The following KCNB2 variants were observed in gnomAD, a reference collection of about 807,000 sequenced individuals.
KCNB2 encodes potassium voltage-gated channel subfamily B member 2.
A neutral mutation model predicts 61.5 loss-of-function variants in KCNB2; 15 were observed. The observed-to-expected ratio is 0.24, with a 90% CI of 0.16 to 0.38. KCNB2 has a LOEUF of 0.38. KCNB2 is among the 10% of genes least tolerant of loss of function. The pLI, the probability that KCNB2 is intolerant of heterozygous loss-of-function variation, is 1.00. For synonymous variants in KCNB2, 457 were observed against 446.0 expected, an observed-to-expected ratio of 1.02 and a Z score of -0.31; for missense variants, 828 against 1,125.2, an observed-to-expected ratio of 0.74 and a Z score of 3.78.
intron 1 of KCNB2, among the ~76,000 whole-genome samples, chr8:72,551,187 G>T (rs1220704275): frequency 6.6e-6 from 1 of 152,052 alleles, no homozygotes; most frequent in Non-Finnish European, 1.5e-5. Context: ...TTCTTTTCTT[G>T]TCCTCTCAAT....
intron 2 of KCNB2, among the ~76,000 whole-genome samples, chr8:72,858,550 A>T (rs1810243126): frequency 6.6e-6 from 1 of 152,224 alleles, no homozygotes; most frequent in African/African-American, 2.4e-5. Context: ...GTATTAAGGC[A>T]CTAAGCAGTT....
chr8:72,596,978 A>ATGCTTGCT (rs1168366310), intron 2 of KCNB2, among the ~76,000 whole-genome samples: 12 of 131,120 alleles, frequency 9.2e-5, no homozygotes, highest in African/African-American at 3.7e-4. Flanking sequence ...GCCAACCAGC[A>ATGCTTGCT]TGCTTGCTTG....
At chr8:72,739,281 C>T (rs968762136) in intron 2 of KCNB2, among the ~76,000 whole-genome samples, 2 of 151,230 alleles carry the variant, frequency 1.3e-5, no homozygotes, top group Non-Finnish European at 2.9e-5. Flanking sequence ...ATTTATTGAA[C>T]ACCTATTATG....
chr8:72,743,804 A>G (rs1252318222), intron 2 of KCNB2, among the ~76,000 whole-genome samples: 2 of 152,206 alleles, frequency 1.3e-5, no homozygotes, highest in African/African-American at 4.8e-5. Flanking sequence ...ATACTTTAAA[A>G]TATGTCAATC....
intron 2 of KCNB2, among the ~76,000 whole-genome samples, chr8:72,724,529 C>T (rs1807601981): frequency 1.3e-5 from 2 of 152,198 alleles, no homozygotes; most frequent in Non-Finnish European, 2.9e-5. Flanking sequence ...CTTTTCCGGC[C>T]ATATCATTTT....
intron 2 of KCNB2, among the ~76,000 whole-genome samples, chr8:72,782,925 A>G (rs2128998063): frequency 6.6e-6 from 1 of 152,280 alleles, no homozygotes; most frequent in African/African-American, 2.4e-5. Context: ...AATTGTTACC[A>G]TTATAATATA....
chr8:72,910,214 A>G (rs1806263399), intron 2 of KCNB2, among the ~76,000 whole-genome samples: 2 of 152,232 alleles, frequency 1.3e-5, no homozygotes, highest in Admixed American at 1.3e-4. Context: ...TATTGAGAGA[A>G]ATAAATGAAA....
intron 2 of KCNB2, among the ~76,000 whole-genome samples, chr8:72,826,224 C>T (rs1000895475): frequency 6.6e-6 from 1 of 152,180 alleles, no homozygotes; most frequent in South Asian, 2.1e-4. Flanking sequence ...ATAGCTGAGG[C>T]TGGAAGAGTC....
At chr8:72,894,105 T>C (rs992848319) in intron 2 of KCNB2, among the ~76,000 whole-genome samples, 1 of 151,996 alleles carries the variant, frequency 6.6e-6, no homozygotes, top group Non-Finnish European at 1.5e-5. Flanking sequence ...GGGATTGGGG[T>C]AGGTGAATGA....
rs947723068 is a variant in KCNB2, at chr8:72,588,832, G to T, written c.579+20519G>T. ...AATTGCTTGAGCCCAGGAGTTCAAG[G>T]CTGCTGTGAACTATGATGGCACCAC... is the stretch of plus-strand genomic sequence containing the variant. On this transcript the variant is annotated intron_variant, in intron 2 of 2. Transcript: ENST00000523207. Among the ~76,000 whole-genome samples, 3 of 152,186 alleles carry T rather than the reference G, an allele frequency of 2.0e-5. No individual in the cohort carries two copies. The South Asian group carries it at 6.2e-4, about 32-fold the overall frequency.
chr8:72,653,128 G>A (rs1445767457), intron 2 of KCNB2, among the ~76,000 whole-genome samples: 2 of 152,004 alleles, frequency 1.3e-5, no homozygotes, highest in Non-Finnish European at 2.9e-5. Flanking sequence ...TAGATTTAGG[G>A]ACTAATAAAT....
intron 2 of KCNB2, among the ~76,000 whole-genome samples, chr8:72,609,108 A>G (rs1428546157): frequency 2.6e-5 from 4 of 152,190 alleles, no homozygotes; most frequent in Non-Finnish European, 5.9e-5. Flanking sequence ...TTTCATTTGT[A>G]AAGATAAGGA....
chr8:72,888,008 A>T (rs1045888191), intron 2 of KCNB2, among the ~76,000 whole-genome samples: 1 of 152,228 alleles, frequency 6.6e-6, no homozygotes, highest in African/African-American at 2.4e-5. Context: ...CCAAGATTTT[A>T]AGCTCCTTAG....
chr8:72,722,592 G>A (rs1807569406), intron 2 of KCNB2, among the ~76,000 whole-genome samples: 1 of 152,190 alleles, frequency 6.6e-6, no homozygotes, highest in Non-Finnish European at 1.5e-5. Context: ...TCGAATCAGT[G>A]TCTGTAAGCT....
At chr8:72,793,978 G>A (rs1049643857) in intron 2 of KCNB2, among the ~76,000 whole-genome samples, 14 of 152,184 alleles carry the variant, frequency 9.2e-5, no homozygotes, top group African/African-American at 2.4e-5. Context: ...GGGTAAGGAC[G>A]TAAGGAAATG....
intron 2 of KCNB2, among the ~76,000 whole-genome samples, chr8:72,718,569 A>T (rs1212624440): frequency 6.6e-6 from 1 of 151,796 alleles, no homozygotes; most frequent in East Asian, 1.9e-4. Flanking sequence ...CAAGGACAAA[A>T]AACCAAACAC....
intron 2 of KCNB2, among the ~76,000 whole-genome samples, chr8:72,755,482 T>C (rs1461857252): frequency 6.6e-6 from 1 of 152,198 alleles, no homozygotes; most frequent in Admixed American, 6.5e-5. Flanking sequence ...AAAACTGTTC[T>C]AAAAAATAAA....
intron 2 of KCNB2, among the ~76,000 whole-genome samples, chr8:72,774,789 A>C (rs1009938731): frequency 6.6e-5 from 10 of 152,210 alleles, no homozygotes; most frequent in African/African-American, 2.4e-4. Flanking sequence ...TGTTTAGATC[A>C]GTAACTACAA....
chr8:72,755,827 T>G (rs1015193162), intron 2 of KCNB2, among the ~76,000 whole-genome samples: 2 of 152,214 alleles, frequency 1.3e-5, no homozygotes, highest in Non-Finnish European at 2.9e-5. Flanking sequence ...AGGAAAACGG[T>G]TCCCCCACCG....
Sources: gnomAD v4.1 joint callset for allele counts (sites outside exome capture counted in the v4.1 genomes callset) on GRCh38, gnomAD v4.1.1 for gene constraint, MANE v1.5 for transcripts, NCBI Gene and HGNC (gene_info 2026-07-23, HGNC 2026-07-21) for gene names.